Variants in ZEB2 observed in about 807,000 individuals in gnomAD.
ZEB2 encodes the protein zinc finger E-box binding homeobox 2, also known as zinc finger E-box-binding homeobox 2.
Under a neutral mutation model 99.9 loss-of-function variants are expected in ZEB2, and 6 were observed. The observed-to-expected ratio is 0.06, with a 90% CI of 0.03 to 0.12. The LOEUF (loss-of-function observed/expected upper bound fraction) is 0.12. Among genes scored for constraint, ZEB2 ranks in the 10% least tolerant of loss-of-function variants. The probability of loss-of-function intolerance (pLI) is 1.00; values close to 1 mark genes in which losing one functional copy is unlikely to be tolerated. For synonymous variants in ZEB2, 517 were observed against 542.5 expected, an observed-to-expected ratio of 0.95 and a Z score of 0.65; for missense variants, 969 against 1,502.8, an observed-to-expected ratio of 0.64 and a Z score of 5.87.
intron 2 of ZEB2, among the ~76,000 whole-genome samples, chr2:144,451,372 A>T (rs1017810650): frequency 6.6e-6 from 1 of 152,206 alleles, no homozygotes; most frequent in Non-Finnish European, 1.5e-5. Context: ...GGTATAAATG[A>T]ATTTGTGCTT....
intron 2 of ZEB2, among the ~76,000 whole-genome samples, chr2:144,437,704 A>C (rs1306828770): frequency 6.6e-6 from 1 of 152,110 alleles, no homozygotes; most frequent in African/African-American, 2.4e-5. Flanking sequence ...GTTTTATAGT[A>C]ATAAGACCTT....
intron 4 of ZEB2, among the ~76,000 whole-genome samples, chr2:144,414,109 T>A (rs989454445): frequency 6.6e-6 from 1 of 152,216 alleles, no homozygotes; most frequent in Non-Finnish European, 1.5e-5. Flanking sequence ...ATTTTCAGTC[T>A]AGATCTGGAT....
chr2:144,517,736 C>T, intron 1 of ZEB2: 1 of 699,970 alleles, frequency 1.4e-6, no homozygotes, highest in Non-Finnish European at 2.6e-6. Flanking sequence ...TGACTCAGGG[C>T]TAGGCGGACC....
rs1469715532 is a variant in ZEB2, at chr2:144,498,049, ATATTATATAATATATATTAATAT to A, written c.73+19206_73+19228del. 2.1e-3 allele frequency among the ~76,000 whole-genome samples: 159 copies of A among 74,536 alleles called. 22 individuals carry two copies. The highest frequency in any genetic ancestry group is 4.4e-3 in the South Asian group (14 of 3,148). 48.9% of individuals were successfully genotyped at this position (74,536 alleles called of 152,430 possible). On this transcript the variant is annotated intron_variant, in intron 2 of 9. Coordinates refer to ENST00000627532, the MANE Select transcript of ZEB2 (RefSeq NM_014795.4). The stretch of plus-strand genomic sequence containing the variant: ...ATTATATAATATATATTAATATTAT[ATATTATATAATATATATTAATAT>A]TATATATTATATAATATATATTAAT...
At chr2:144,487,923 G>T (rs973979569) in intron 2 of ZEB2, among the ~76,000 whole-genome samples, 1 of 152,126 alleles carries the variant, frequency 6.6e-6, no homozygotes, top group South Asian at 2.1e-4. Flanking sequence ...ATTTCACTGT[G>T]AGCCTTACAT....
rs574440097 is a variant in ZEB2, at chr2:144,394,206, C to A, written c.3067+2206G>T. Among the ~76,000 whole-genome samples, 3 of 152,298 alleles carry A rather than the reference C, an allele frequency of 2.0e-5. No homozygotes were observed. In the East Asian group the frequency reaches 5.8e-4, roughly 29 times the overall value. On this transcript the variant is annotated intron_variant, in intron 9 of 9. Coordinates refer to ENST00000627532, the MANE Select transcript of ZEB2 (RefSeq NM_014795.4). The stretch of plus-strand genomic sequence containing the variant: ...AAAGTGCTGGGATTATAGGCATGAG[C>A]CACCGCATCAGGCCTGAAGTTTATT...
intron 2 of ZEB2, among the ~76,000 whole-genome samples, chr2:144,433,952 T>A (rs1703805631): frequency 6.6e-6 from 1 of 152,238 alleles, no homozygotes; most frequent in Non-Finnish European, 1.5e-5. Context: ...ACATTGCTGA[T>A]AATTAGCTTG....
chr2:144,516,721 G>A (rs971498013), intron 2 of ZEB2: 1 of 151,924 alleles, frequency 6.6e-6, no homozygotes, highest in East Asian at 2.0e-4. Flanking sequence ...GATGGGCCGG[G>A]CCCCGCTGCC....
chr2:144,487,299 T>C (rs1704612001), intron 2 of ZEB2, among the ~76,000 whole-genome samples: 1 of 152,094 alleles, frequency 6.6e-6, no homozygotes. Flanking sequence ...TAAAGATAGG[T>C]ACAAAGGCAC....
At chr2:144,405,061 G>A in intron 4 of ZEB2, 37 bp from the exon 5 acceptor site, 1 of 1,600,628 alleles carries the variant, frequency 6.2e-7, no homozygotes, top group Non-Finnish European at 8.5e-7. Context: ...TTGTTTCCGG[G>A]CCTTCTTCCT....
intron 2 of ZEB2, among the ~76,000 whole-genome samples, chr2:144,434,003 T>C (rs1288196918): frequency 1.3e-5 from 2 of 152,200 alleles, no homozygotes; most frequent in Non-Finnish European, 2.9e-5. Context: ...AGATGCCCTA[T>C]ACAATGTTAC....
intron 2 of ZEB2, among the ~76,000 whole-genome samples, chr2:144,465,270 A>G (rs1021215453): frequency 1.3e-5 from 2 of 151,992 alleles, no homozygotes; most frequent in Non-Finnish European, 2.9e-5. Context: ...TACTTCCCTC[A>G]TGTTTGTCTC....
chr2:144,401,173 C>A (rs369541564), intron 7 of ZEB2, 26 bp downstream of exon 7: 1 of 1,598,576 alleles, frequency 6.3e-7, no homozygotes, highest in Non-Finnish European at 8.6e-7. Context: ...AATGCAAATG[C>A]GAGCTCCAGC....
intron 2 of ZEB2, among the ~76,000 whole-genome samples, chr2:144,464,897 G>A (rs770360966): frequency 5.6e-4 from 86 of 152,234 alleles, no homozygotes; most frequent in Non-Finnish European, 8.8e-4. Flanking sequence ...TTAATGAGGC[G>A]ATAAATGTGT....
intron 3 of ZEB2, among the ~76,000 whole-genome samples, chr2:144,425,858 CATTTT>C (rs1341939997): frequency 1.3e-5 from 2 of 152,132 alleles, no homozygotes; most frequent in Non-Finnish European, 2.9e-5. Flanking sequence ...CTGTGATAAT[CATTTT>C]ACTTAAAACA....
chr2:144,442,960 A>T (rs1221646026), intron 2 of ZEB2, among the ~76,000 whole-genome samples: 1 of 152,138 alleles, frequency 6.6e-6, no homozygotes, highest in African/African-American at 2.4e-5. Flanking sequence ...CTTTTCAAAG[A>T]GTAAAATTTC....
At chr2:144,433,042 G>A (rs1220526556) in intron 2 of ZEB2, among the ~76,000 whole-genome samples, 3 of 152,130 alleles carry the variant, frequency 2.0e-5, no homozygotes, top group African/African-American at 7.2e-5. Flanking sequence ...ATGAGTCTCA[G>A]CAAAATTTTA....
At chr2:144,396,718 T>C in intron 8 of ZEB2, 126 bp from the exon 9 acceptor site, 5 of 1,025,282 alleles carry the variant, frequency 4.9e-6, no homozygotes, top group Non-Finnish European at 7.3e-6. Context: ...TTAAACATTT[T>C]TTTTTCCATG....
At chr2:144,471,259 TAAG>T (rs1704351060) in intron 2 of ZEB2, among the ~76,000 whole-genome samples, 1 of 152,020 alleles carries the variant, frequency 6.6e-6, no homozygotes, top group African/African-American at 2.4e-5. Context: ...AAGCTGACAA[TAAG>T]TAAAAGAAGT....
Sources: gnomAD v4.1 joint callset for allele counts (sites outside exome capture counted in the v4.1 genomes callset) on GRCh38, gnomAD v4.1.1 for gene constraint, MANE v1.5 for transcripts, NCBI Gene and HGNC (gene_info 2026-07-23, HGNC 2026-07-21) for gene names.